The following PIGN variants were observed in gnomAD, a reference collection of about 807,000 sequenced individuals.
PIGN encodes the protein phosphatidylinositol glycan anchor biosynthesis class N, also known as GPI ethanolamine phosphate transferase 1.
A neutral mutation model predicts 125.4 loss-of-function variants in PIGN; 117 were observed. The observed-to-expected ratio is 0.93, with a 90% CI of 0.80 to 1.09. The LOEUF is 1.09. Ranked by LOEUF, PIGN falls within the 50% of genes least tolerant of loss-of-function variation. PIGN has a pLI of 0.00. For missense variants in PIGN, 1,075 were observed against 1,094.9 expected (o/e 0.98, Z 0.26); for synonymous variants, 392 against 377.8 (o/e 1.04, Z -0.44).
chr18:62,107,095 A>C lies in PIGN; in HGVS notation c.1575-10T>G. ...CTGAATAACTTGAAATCTGTTTCAA[A>C]TAAAAAGACTGATTGAATTTTAAAG... On this transcript the variant is annotated splice_polypyrimidine_tract_variant and intron_variant, in intron 17 of 30. Coordinates refer to ENST00000640252, the MANE Select transcript of PIGN (RefSeq NM_176787.5). 6.6e-7 allele frequency: 1 copy of C among 1,515,128 alleles called. No homozygotes were observed. The allele number at this position is 1,515,128 out of a possible 1,614,324, so 93.9% of individuals were successfully genotyped here.
intron 15 of PIGN, 66 bp downstream of exon 15, chr18:62,114,495 A>G (rs1326855495): frequency 6.0e-6 from 6 of 997,226 alleles, no homozygotes; most frequent in African/African-American, 3.2e-5. Flanking sequence ...ACTTTGCTCT[A>G]TTTTTCTCCT....
intron 5 of PIGN, 56 bp downstream of exon 5, chr18:62,157,630 GA>G: frequency 6.8e-7 from 1 of 1,474,574 alleles, no homozygotes. Context: ...AGTGGTAAAG[GA>G]CTAATATTTA....
intron 19 of PIGN, 55 bp downstream of exon 19, chr18:62,106,734 T>A (rs1599534231): frequency 4.5e-6 from 5 of 1,101,276 alleles, no homozygotes; most frequent in African/African-American, 1.6e-5. Context: ...GAGTTACACA[T>A]GTGTCAAAAC....
chr18:62,063,170 T>A (rs972763546), intron 30 of PIGN, among the ~76,000 whole-genome samples: 3 of 151,806 alleles, frequency 2.0e-5, no homozygotes, highest in African/African-American at 7.3e-5. Flanking sequence ...AATAAAAAAC[T>A]TAAGCCTCCC....
chr18:62,094,929 G>A (rs557820507), intron 23 of PIGN, among the ~76,000 whole-genome samples: 82 of 152,272 alleles, frequency 5.4e-4, no homozygotes, highest in African/African-American at 1.9e-3. Flanking sequence ...CACTTAGGGT[G>A]TTAGAGTCTA....
At position 62,154,792 on chromosome 18, in the gene PIGN, T is replaced by C. The variant is rs866992199; in HGVS notation, c.443-141A>G. On this transcript the variant is annotated intron_variant, in intron 6 of 30. Coordinates refer to ENST00000640252, the MANE Select transcript of PIGN (RefSeq NM_176787.5). The stretch of plus-strand genomic sequence containing the variant: ...TTCATTATGATGGGGAAGAGAAAAA[T>C]GGGAGGAATAATTAACATTTATTTA... The C allele has an allele frequency of 1.4e-4, 87 of 611,318 alleles. 1 individual carries two copies. Among genetic ancestry groups the C allele is most frequent in the South Asian group, 1.4e-3 (68 of 48,400 alleles). The allele number at this position is 611,318 out of a possible 1,614,324, so 37.9% of individuals were successfully genotyped here. A position where few individuals can be genotyped will look rare whatever the true frequency, so the allele number is the denominator to read the frequency against.
chr18:62,053,082 T>C (rs1329673119), intron 30 of PIGN: 1 of 279,734 alleles, frequency 3.6e-6, no homozygotes, highest in South Asian at 1.7e-4. Context: ...CTAAATTATA[T>C]TTGCTAGCTG....
chr18:62,180,344 A>G (rs2037672527), intron 1 of PIGN, among the ~76,000 whole-genome samples: 1 of 152,164 alleles, frequency 6.6e-6, no homozygotes, highest in African/African-American at 2.4e-5. Flanking sequence ...TTTATTTTAA[A>G]TTATTCTATG....
At chr18:62,084,169 T>C (rs1369793819) in intron 27 of PIGN, among the ~76,000 whole-genome samples, 1 of 152,172 alleles carries the variant, frequency 6.6e-6, no homozygotes, top group African/African-American at 2.4e-5. Flanking sequence ...TCCAGGTACA[T>C]GGCTTATGAG....
chr18:62,155,078 G>A (rs1399412234), intron 6 of PIGN, among the ~76,000 whole-genome samples: 1 of 152,110 alleles, frequency 6.6e-6, no homozygotes, highest in Non-Finnish European at 1.5e-5. Context: ...AACATAAGAA[G>A]AAAATTCAGA....
rs781122111 is a variant in PIGN at position 62,113,246 on chromosome 18, A to T, written c.1322T>A (p.Phe441Tyr). The change falls in exon 16 of 31, where the codon TTC becomes TAC. Residue 441 changes from phenylalanine (F) to tyrosine (Y), a missense_variant. Phe to Tyr is a conservative substitution (Grantham distance 22, BLOSUM62 3). Coordinates refer to ENST00000640252, the MANE Select transcript of PIGN (RefSeq NM_176787.5). Reference sequence around the variant, plus strand: ...AATAACAACATTGACGCCCAAAAAGAATCTGTCATATGTGTGATAATAGGA... The same window carrying T: ...AATAACAACATTGACGCCCAAAAAGTATCTGTCATATGTGTGATAATAGGA... The part of the protein sequence containing the change: ...GLSYYHTYDR[F>Y]FLGVNVVIGF... 1.9e-6 allele frequency: 3 copies of T among 1,613,060 alleles called. No homozygotes were observed. Among genetic ancestry groups the T allele is most frequent in the East Asian group, 4.5e-5 (2 of 44,742 alleles).
chr18:62,095,634 G>T (rs1312108334), intron 23 of PIGN, among the ~76,000 whole-genome samples: 1 of 152,036 alleles, frequency 6.6e-6, no homozygotes, highest in Non-Finnish European at 1.5e-5. Flanking sequence ...GACAAAGACA[G>T]CAAGCAATAT....
intron 30 of PIGN, among the ~76,000 whole-genome samples, chr18:62,051,544 G>T (rs1359879260): frequency 6.6e-6 from 1 of 152,156 alleles, no homozygotes; most frequent in Admixed American, 6.5e-5. Context: ...GATTGGTGGT[G>T]ATTTCCCCTT....
chr18:62,124,202 G>A (rs780152971), intron 14 of PIGN, among the ~76,000 whole-genome samples: 8 of 152,064 alleles, frequency 5.3e-5, no homozygotes, highest in Non-Finnish European at 1.2e-4. Flanking sequence ...ATAAACCACA[G>A]CAACATTAGT....
chr18:62,114,457 G>C, intron 15 of PIGN, 104 bp downstream of exon 15: 1 of 698,090 alleles, frequency 1.4e-6, no homozygotes, highest in Non-Finnish European at 2.6e-6. Context: ...CCTTCCTTGA[G>C]GGCTCAAGAA....
rs564746835 is a variant in PIGN at position 62,097,584 on chromosome 18, A to C, written c.2078-1634T>G. On this transcript the variant is annotated intron_variant, in intron 22 of 30. Coordinates refer to ENST00000640252, the MANE Select transcript of PIGN (RefSeq NM_176787.5). ...CCATCCCATTACTGGGTATATACCC[A>C]AAAATGAATTATTTTCTAATGAAAT... 7.6e-4 allele frequency among the ~76,000 whole-genome samples: 116 copies of C among 152,192 alleles called. 1 individual carries two copies. The highest frequency in any genetic ancestry group is 1.2e-3 in the Non-Finnish European group (83 of 67,968).
intron 19 of PIGN, among the ~76,000 whole-genome samples, chr18:62,106,479 G>A (rs999631108): frequency 4.0e-5 from 6 of 151,884 alleles, no homozygotes; most frequent in Admixed American, 2.6e-4. Context: ...TGCTCTGGAC[G>A]ACTCCTTGCC....
chr18:62,033,182 G>T (rs903486717), intron 23 of PIGN, among the ~76,000 whole-genome samples: 2 of 152,236 alleles, frequency 1.3e-5, no homozygotes, highest in African/African-American at 2.4e-5. Flanking sequence ...AGCTTCTATA[G>T]TGGGAGGCAG....
chr18:62,094,078 CTTA>C (rs2034078481), intron 23 of PIGN, among the ~76,000 whole-genome samples: 1 of 151,904 alleles, frequency 6.6e-6, no homozygotes, highest in Non-Finnish European at 1.5e-5. Flanking sequence ...TATGATTATG[CTTA>C]TTATGATAAT....
Sources: gnomAD v4.1 joint callset for allele counts (sites outside exome capture counted in the v4.1 genomes callset) on GRCh38, gnomAD v4.1.1 for gene constraint, MANE v1.5 for transcripts, NCBI Gene and HGNC (gene_info 2026-07-23, HGNC 2026-07-21) for gene names.